LAMA2: variants seen among roughly 807,000 people sequenced by gnomAD.
LAMA2 encodes laminin subunit alpha-2.
LAMA2 carries 269 observed loss-of-function variants against 364.8 expected under a neutral mutation model. That is an observed-to-expected ratio of 0.74 (90% CI 0.67 to 0.82). The LOEUF (loss-of-function observed/expected upper bound fraction) is 0.82, where lower values mean the gene tolerates loss of function less well. Among genes scored for constraint, LAMA2 ranks in the 40% least tolerant of loss-of-function variants. The pLI is 0.00. For missense variants in LAMA2, 3,807 were observed against 3,873.2 expected (o/e 0.98, Z 0.45); for synonymous variants, 1,379 against 1,370.6 (o/e 1.01, Z -0.14).
chr6:128,883,183 AG>A lies in LAMA2; in HGVS notation c.-59del, dbSNP rs1214905099. ...CTCGCTCAGCTCACAAGCCAAGGCCAGGGGACAGGGCGGCAGCGACTCCTCT... is the reference window on the plus strand; with the variant it reads ...CTCGCTCAGCTCACAAGCCAAGGCCAGGGACAGGGCGGCAGCGACTCCTCT... On this transcript the variant is annotated 5_prime_UTR_variant, in exon 1 of 65. Coordinates refer to ENST00000421865, the MANE Select transcript of LAMA2 (RefSeq NM_000426.4). The A allele has an allele frequency of 1.4e-5, 21 of 1,459,324 alleles. No individual in the cohort carries two copies. The Admixed American group carries it at 4.1e-4, about 29-fold the overall frequency. 90.4% of individuals were successfully genotyped at this position (1,459,324 alleles called of 1,614,324 possible).
At chr6:129,382,824 T>C (rs1778768308) in intron 34 of LAMA2, among the ~76,000 whole-genome samples, 1 of 152,244 alleles carries the variant, frequency 6.6e-6, no homozygotes, top group South Asian at 2.1e-4. Flanking sequence ...TTGGCATCTG[T>C]ACCTTAAAGA....
rs1443920683 is a variant in LAMA2 at position 129,475,388 on chromosome 6, A to G, written c.7440-2A>G. ...TTTTTTTTCCTCTTTCCCGTTATCT[A>G]GTATGAAAGCAAGGTAAAATTTAAA... On this transcript the variant is annotated splice_acceptor_variant, in intron 52 of 64. Transcript: ENST00000421865. LOFTEE classifies it high-confidence loss of function. 1.3e-6 allele frequency: 2 copies of G among 1,535,980 alleles called. No individual in the cohort carries two copies. The highest frequency in any genetic ancestry group is 1.8e-6 in the Non-Finnish European group (2 of 1,121,608).
At chr6:129,470,244 A>G (rs1245982396) in intron 51 of LAMA2, among the ~76,000 whole-genome samples, 1 of 151,752 alleles carries the variant, frequency 6.6e-6, no homozygotes, top group African/African-American at 2.4e-5. Context: ...AAGACCAACA[A>G]AAAAAAGTAA....
At chr6:129,219,817 G>A (rs1783691597) in intron 12 of LAMA2, among the ~76,000 whole-genome samples, 1 of 136,104 alleles carries the variant, frequency 7.3e-6, no homozygotes, top group Non-Finnish European at 1.6e-5. Context: ...TCACACTCTG[G>A]GGACTGTTGT....
At chr6:129,350,934 C>T (rs1018251768) in intron 31 of LAMA2, among the ~76,000 whole-genome samples, 1 of 152,212 alleles carries the variant, frequency 6.6e-6, no homozygotes, top group East Asian at 1.9e-4. Flanking sequence ...TCACAATTTC[C>T]ATACCAACAG....
chr6:129,221,650 T>C (rs1446522455), intron 12 of LAMA2, among the ~76,000 whole-genome samples: 1 of 151,944 alleles, frequency 6.6e-6, no homozygotes, highest in Non-Finnish European at 1.5e-5. Context: ...ATTTCTTATA[T>C]AGTGCTAATA....
intron 62 of LAMA2, among the ~76,000 whole-genome samples, chr6:129,511,574 C>G (rs1786578648): frequency 6.6e-6 from 1 of 152,146 alleles, no homozygotes; most frequent in South Asian, 2.1e-4. Flanking sequence ...CTACACATAG[C>G]ATTTATTTCT....
At chr6:129,168,905 G>T (rs1779944743) in intron 9 of LAMA2, among the ~76,000 whole-genome samples, 1 of 150,024 alleles carries the variant, frequency 6.7e-6, no homozygotes, top group Non-Finnish European at 1.5e-5. Context: ...GGATTCCTAG[G>T]TATTTTATTC....
intron 18 of LAMA2, among the ~76,000 whole-genome samples, chr6:129,284,557 A>G (rs909529393): frequency 1.3e-5 from 2 of 151,960 alleles, no homozygotes; most frequent in African/African-American, 4.8e-5. Flanking sequence ...AGCTTTTCTA[A>G]TTTGCTTGGC....
intron 1 of LAMA2, among the ~76,000 whole-genome samples, chr6:128,892,413 G>GT (rs1311187696): frequency 1.3e-5 from 2 of 151,766 alleles, no homozygotes; most frequent in East Asian, 1.9e-4. Flanking sequence ...TACAATAAAC[G>GT]TTTTTTCTAG....
chr6:129,065,225 G>C (rs1276130749), intron 3 of LAMA2, among the ~76,000 whole-genome samples: 1 of 152,114 alleles, frequency 6.6e-6, no homozygotes, highest in Non-Finnish European at 1.5e-5. Context: ...GATAAAAGCT[G>C]TCAACAAATT....
At chr6:129,207,813 A>G (rs1472007860) in intron 12 of LAMA2, among the ~76,000 whole-genome samples, 1 of 151,996 alleles carries the variant, frequency 6.6e-6, no homozygotes, top group Non-Finnish European at 1.5e-5. Flanking sequence ...GTTGGTCAAG[A>G]AAGTTCACGA....
chr6:129,410,528 T>C (rs1048782766), intron 40 of LAMA2, among the ~76,000 whole-genome samples: 1 of 152,184 alleles, frequency 6.6e-6, no homozygotes, highest in Non-Finnish European at 1.5e-5. Flanking sequence ...TTTAGTTAGA[T>C]CTTCACTAGA....
chr6:129,220,672 T>C (rs1184196351), intron 12 of LAMA2, among the ~76,000 whole-genome samples: 1 of 152,216 alleles, frequency 6.6e-6, no homozygotes, highest in African/African-American at 2.4e-5. Flanking sequence ...CCAAATAGTT[T>C]CCAATTATAA....
chr6:128,921,698 T>C (rs1244822865), intron 1 of LAMA2, among the ~76,000 whole-genome samples: 2 of 108,374 alleles, frequency 1.8e-5, no homozygotes. Flanking sequence ...TGAATGTCTG[T>C]TTTTTTTTTT....
Position 129,460,222 on chromosome 6 carries a change from T to A in LAMA2, c.6890T>A (p.Ile2297Asn). ...CAGAAGGCTGATGCTGTACGTGTGA[T>A]TACATTCACTGGCTGCATGGGAGAA... ...KLKKADAVRV[I>N]TFTGCMGETY... Residue 2297 changes from isoleucine (I) to asparagine (N), a missense_variant, in exon 49 of 65, where the codon ATT becomes AAT. Ile to Asn is a moderately radical substitution (Grantham distance 149). Transcript: ENST00000421865. 1 of 1,611,996 alleles carries A rather than the reference T, an allele frequency of 6.2e-7. No individual in the cohort carries two copies. Among genetic ancestry groups the A allele is most frequent in the Non-Finnish European group, 8.5e-7 (1 of 1,178,448 alleles).
intron 4 of LAMA2, among the ~76,000 whole-genome samples, chr6:129,111,057 C>T (rs369754204): frequency 4.3e-4 from 66 of 152,132 alleles, no homozygotes; most frequent in African/African-American, 1.3e-3. Flanking sequence ...CATCAAAAGT[C>T]CTTGAGACAA....
At chr6:129,354,896 G>T (rs1359813722) in intron 32 of LAMA2, among the ~76,000 whole-genome samples, 1 of 152,118 alleles carries the variant, frequency 6.6e-6, no homozygotes, top group Non-Finnish European at 1.5e-5. Flanking sequence ...TATCACATAT[G>T]TGGGTTTCTA....
intron 12 of LAMA2, among the ~76,000 whole-genome samples, chr6:129,230,259 A>G (rs2115127283): frequency 6.6e-6 from 1 of 152,298 alleles, no homozygotes; most frequent in Non-Finnish European, 1.5e-5. Flanking sequence ...TTTGTCAGAT[A>G]CTGTTGATGG....
Sources: allele counts gnomAD v4.1 joint callset (sites outside exome capture counted in the v4.1 genomes callset), GRCh38; gene constraint gnomAD v4.1.1; transcripts MANE v1.5; gene names NCBI Gene and HGNC (gene_info 2026-07-23, HGNC 2026-07-21).